Variants in ASIC2 observed in about 807,000 individuals in gnomAD.
The protein encoded by ASIC2 is acid sensing ion channel subunit 2.
ASIC2 carries 25 observed loss-of-function variants against 57.3 expected under a neutral mutation model. The observed-to-expected ratio is 0.44, with a 90% CI of 0.32 to 0.61. The LOEUF (loss-of-function observed/expected upper bound fraction) is 0.61, where lower values mean the gene tolerates loss of function less well. Ranked by LOEUF, ASIC2 falls within the 20% of genes least tolerant of loss-of-function variation. ASIC2 has a pLI of 0.06. For synonymous variants in ASIC2, 319 were observed against 307.5 expected, an observed-to-expected ratio of 1.04 and a Z score of -0.39; for missense variants, 641 against 738.1, an observed-to-expected ratio of 0.87 and a Z score of 1.52.
intron 1 of ASIC2, among the ~76,000 whole-genome samples, chr17:33,435,092 A>T (rs4795791): frequency 0.73 from 110,853 of 152,076 alleles, 41,062 homozygotes; most frequent in Middle Eastern, 0.79. Context: ...GGAAAGAGAT[A>T]GAGTAAAACC....
intron 1 of ASIC2, among the ~76,000 whole-genome samples, chr17:33,909,377 G>A (rs974712645): frequency 6.6e-6 from 1 of 152,214 alleles, no homozygotes; most frequent in Admixed American, 6.5e-5. Flanking sequence ...AGCAATTTAA[G>A]CATTTTGGCT....
chr17:33,764,892 A>G (rs1171819327), intron 1 of ASIC2, among the ~76,000 whole-genome samples: 2 of 151,884 alleles, frequency 1.3e-5, no homozygotes, highest in African/African-American at 2.4e-5. Flanking sequence ...TCCTCTTTCC[A>G]TCTTCCTGAT....
chr17:33,382,208 A>G (rs1909513745), intron 1 of ASIC2, among the ~76,000 whole-genome samples: 1 of 152,202 alleles, frequency 6.6e-6, no homozygotes, highest in Non-Finnish European at 1.5e-5. Flanking sequence ...ACCTTTCAGA[A>G]TCCATCTGAA....
intron 1 of ASIC2, among the ~76,000 whole-genome samples, chr17:33,437,682 G>A (rs1045137672): frequency 6.6e-6 from 1 of 152,146 alleles, no homozygotes; most frequent in African/African-American, 2.4e-5. Context: ...TGTAGTCCCA[G>A]CTACTTGGGA....
At chr17:33,495,089 G>C (rs1913884735) in intron 1 of ASIC2, among the ~76,000 whole-genome samples, 1 of 152,186 alleles carries the variant, frequency 6.6e-6, no homozygotes, top group Non-Finnish European at 1.5e-5. Flanking sequence ...GGAATGAGAG[G>C]GAGAGAAGTG....
chr17:33,365,935 C>T (rs1908791995), intron 1 of ASIC2, among the ~76,000 whole-genome samples: 1 of 152,138 alleles, frequency 6.6e-6, no homozygotes, highest in Non-Finnish European at 1.5e-5. Context: ...TCCAGTTGAG[C>T]AGGAAGGAGT....
chr17:33,172,611 T>C (rs1012740220), intron 1 of ASIC2, among the ~76,000 whole-genome samples: 7 of 152,124 alleles, frequency 4.6e-5, no homozygotes, highest in Non-Finnish European at 8.8e-5. Flanking sequence ...AAGAGGGAAG[T>C]CTGTGGGAGC....
intron 1 of ASIC2, among the ~76,000 whole-genome samples, chr17:34,140,081 A>T (rs1470568269): frequency 6.6e-6 from 1 of 152,070 alleles, no homozygotes; most frequent in Non-Finnish European, 1.5e-5. Flanking sequence ...TTTTGGGGAC[A>T]ATTGGGGAAA....
intron 1 of ASIC2, among the ~76,000 whole-genome samples, chr17:33,216,520 T>C (rs753405243): frequency 6.6e-6 from 1 of 152,086 alleles, no homozygotes; most frequent in Non-Finnish European, 1.5e-5. Flanking sequence ...GAGGAGGTGT[T>C]AGGCAAGGAA....
At position 33,465,797 on chromosome 17, in the gene ASIC2, A is replaced by T. The variant is rs569407235; in HGVS notation, c.556-353730T>A. 7.2e-5 allele frequency among the ~76,000 whole-genome samples: 11 copies of T among 152,298 alleles called. No individual in the cohort carries two copies. In the South Asian group the frequency reaches 2.3e-3, roughly 32 times the overall value. Reference sequence around the variant, plus strand: ...GATTAATGCCTAGCCACACAGGGAGATTCCTGATTTTTGGTCCTCCAGCTT... The same window carrying T: ...GATTAATGCCTAGCCACACAGGGAGTTTCCTGATTTTTGGTCCTCCAGCTT... On this transcript the variant is annotated intron_variant, in intron 1 of 9. Coordinates refer to the ASIC2 transcript ENST00000359872.
intron 1 of ASIC2, among the ~76,000 whole-genome samples, chr17:33,749,738 G>T (rs570808278): frequency 6.6e-6 from 1 of 152,060 alleles, no homozygotes; most frequent in Non-Finnish European, 1.5e-5. Flanking sequence ...CCACTTCACC[G>T]TCAGCCCTGC....
intron 1 of ASIC2, among the ~76,000 whole-genome samples, chr17:33,896,096 C>G (rs1441047148): frequency 2.6e-5 from 4 of 152,176 alleles, no homozygotes; most frequent in African/African-American, 9.6e-5. Context: ...ATATTGTTAT[C>G]CAATCAACCT....
chr17:33,973,548 C>T (rs1219808329), intron 1 of ASIC2, among the ~76,000 whole-genome samples: 1 of 152,082 alleles, frequency 6.6e-6, no homozygotes, highest in Non-Finnish European at 1.5e-5. Flanking sequence ...TAGGCAGGAG[C>T]GCTCTAACTT....
rs572865154 is a variant in ASIC2 at position 34,113,817 on chromosome 17, G to A, written c.555+42161C>T. Among the ~76,000 whole-genome samples the A allele has an allele frequency of 3.3e-5, 5 of 152,304 alleles. No homozygotes were observed. The East Asian group carries it at 9.7e-4, about 29-fold the overall frequency. On this transcript the variant is annotated intron_variant, in intron 1 of 9. Coordinates refer to the ASIC2 transcript ENST00000359872. ...TTGAGCCCAGGAGTTTGAGGCTGCA[G>A]TGAGCTATGATTGGGCCACTGCCCT...
chr17:33,693,181 A>G (rs962901857), intron 1 of ASIC2, among the ~76,000 whole-genome samples: 2 of 152,224 alleles, frequency 1.3e-5, no homozygotes, highest in African/African-American at 2.4e-5. Flanking sequence ...TCTGTCTATT[A>G]ATATCCAGTA....
chr17:33,254,111 G>A (rs1908975352), intron 1 of ASIC2, among the ~76,000 whole-genome samples: 1 of 152,200 alleles, frequency 6.6e-6, no homozygotes, highest in South Asian at 2.1e-4. Flanking sequence ...GGGCTTGGAG[G>A]TGAAGTCCAC....
At chr17:33,864,650 G>A (rs958541603) in intron 1 of ASIC2, among the ~76,000 whole-genome samples, 1 of 152,192 alleles carries the variant, frequency 6.6e-6, no homozygotes, top group East Asian at 1.9e-4. Context: ...TCCCAGCAGC[G>A]AACAGGTACC....
At chr17:33,766,563 G>A (rs1910941876) in intron 1 of ASIC2, among the ~76,000 whole-genome samples, 1 of 152,212 alleles carries the variant, frequency 6.6e-6, no homozygotes, top group South Asian at 2.1e-4. Context: ...TTGAGCTAGG[G>A]CTGAGCTTGT....
intron 1 of ASIC2, among the ~76,000 whole-genome samples, chr17:33,929,384 C>T (rs1243562032): frequency 6.6e-6 from 1 of 152,220 alleles, no homozygotes; most frequent in East Asian, 1.9e-4. Flanking sequence ...CCTGCGGAGC[C>T]TGGGCTCATT....
Sources: gnomAD v4.1 joint callset for allele counts (sites outside exome capture counted in the v4.1 genomes callset) on GRCh38, gnomAD v4.1.1 for gene constraint, MANE v1.5 for transcripts, NCBI Gene and HGNC (gene_info 2026-07-23, HGNC 2026-07-21) for gene names.